The following ATRX variants were observed in gnomAD, a reference collection of about 807,000 sequenced individuals.
The protein encoded by ATRX is chromatin remodeler ATRX.
In ATRX, 12 loss-of-function variants were observed where a neutral mutation model predicts 172.6. The ratio of observed to expected loss-of-function variants is 0.07; its 90% CI spans 0.04 to 0.11. ATRX has a LOEUF of 0.11. ATRX is among the 10% of genes least tolerant of loss of function. ATRX has a pLI of 1.00. For synonymous variants in ATRX, 674 were observed against 594.7 expected (o/e 1.13, Z -1.94); for missense variants, 1,368 against 1,767.4 (o/e 0.77, Z 4.05).
At chrX:77,709,259 T>C (rs1034249194) in intron 2 of ATRX, among the ~76,000 whole-genome samples, 2 of 111,921 alleles carry the variant, frequency 1.8e-5, no homozygotes, top group East Asian at 5.5e-4. Context: ...TATTACTCAT[T>C]AAGTAAATGC....
At chrX:77,707,947 T>G (rs1172249437) in intron 2 of ATRX, among the ~76,000 whole-genome samples, 1 of 112,096 alleles carries the variant, frequency 8.9e-6, no homozygotes, top group African/African-American at 3.2e-5. Context: ...GGCATGGACG[T>G]GAAGAACTCA....
intron 30 of ATRX, among the ~76,000 whole-genome samples, chrX:77,556,009 C>T (rs1158827824): frequency 9.3e-6 from 1 of 107,025 alleles, no homozygotes; most frequent in African/African-American, 3.4e-5. Context: ...CCCATCTCTA[C>T]TAAAAATAGA....
At chrX:77,511,404 G>A (rs1220408840) in intron 34 of ATRX, among the ~76,000 whole-genome samples, 3 of 111,174 alleles carry the variant, frequency 2.7e-5, no homozygotes, top group Non-Finnish European at 5.7e-5. Flanking sequence ...GCCCAGACAC[G>A]AATCAATGTC....
chrX:77,601,472 T>A (rs1403826000), intron 22 of ATRX, among the ~76,000 whole-genome samples: 1 of 106,383 alleles, frequency 9.4e-6, no homozygotes, highest in East Asian at 2.9e-4. Context: ...AGCAAAACCT[T>A]GTCTCTTAAA....
At chrX:77,718,648 A>C (rs1557166973) in intron 1 of ATRX, among the ~76,000 whole-genome samples, 3 of 111,778 alleles carry the variant, frequency 2.7e-5, no homozygotes, top group African/African-American at 9.7e-5. Flanking sequence ...TGCTGGGATT[A>C]CAGGCGTGAG....
intron 27 of ATRX, among the ~76,000 whole-genome samples, chrX:77,579,608 T>C (rs1225128721): frequency 8.9e-6 from 1 of 112,115 alleles, no homozygotes; most frequent in African/African-American, 3.2e-5. Flanking sequence ...TGACCCCTAA[T>C]GTGGACACAG....
At position 77,649,652 on chromosome X, in the gene ATRX, C is replaced by T. The variant is rs192859784; in HGVS notation, c.4557+2462G>A. On this transcript the variant is annotated intron_variant, in intron 15 of 34. Coordinates refer to ENST00000373344, the MANE Select transcript of ATRX (RefSeq NM_000489.6). ...AATTGAATCACGGGGGCAGGTCTTT[C>T]CTGTGCTGTTCTTGTGATAGTGAAT... Among the ~76,000 whole-genome samples, 531 of 111,465 alleles carry T rather than the reference C, an allele frequency of 4.8e-3. 2 individuals are homozygous for T. The highest frequency in any genetic ancestry group is 6.5e-3 in the Non-Finnish European group (346 of 53,055).
intron 2 of ATRX, among the ~76,000 whole-genome samples, chrX:77,707,879 T>C (rs1280221242): frequency 8.9e-6 from 1 of 112,373 alleles, no homozygotes; most frequent in African/African-American, 3.2e-5. Context: ...CACAATGAGA[T>C]ACTACTTCAC....
chrX:77,526,047 G>A (rs1557043563), intron 30 of ATRX, among the ~76,000 whole-genome samples: 2 of 111,712 alleles, frequency 1.8e-5, no homozygotes, highest in Admixed American at 1.9e-4. Context: ...AAGTCCAACT[G>A]TGTCATCATA....
chrX:77,687,959 C>T (rs1050118859), intron 7 of ATRX, among the ~76,000 whole-genome samples: 1 of 111,469 alleles, frequency 9.0e-6, no homozygotes, highest in Non-Finnish European at 1.9e-5. Flanking sequence ...GTTACTGAGA[C>T]GAAATTTCCC....
At chrX:77,663,344 C>T (rs2148486373) in intron 12 of ATRX, 38 bp downstream of exon 12, 1 of 1,198,209 alleles carries the variant, frequency 8.3e-7, no homozygotes, top group Non-Finnish European at 1.1e-6. Flanking sequence ...ACTGTCTGGT[C>T]CAATATGTTC....
intron 22 of ATRX, among the ~76,000 whole-genome samples, chrX:77,608,403 A>G (rs184707210): frequency 1.5e-3 from 161 of 108,632 alleles, no homozygotes; most frequent in African/African-American, 5.1e-3. Flanking sequence ...TAGGCCAATG[A>G]AACAGAATAA....
chrX:77,698,133 A>T (rs1181402800), intron 3 of ATRX, among the ~76,000 whole-genome samples: 1 of 111,643 alleles, frequency 9.0e-6, no homozygotes, highest in African/African-American at 3.3e-5. Flanking sequence ...ATTTTACTGG[A>T]TTCAGTTTTT....
chrX:77,505,344 G>A lies in ATRX; in HGVS notation c.*3007C>T, dbSNP rs929714086. ...AATATTCAGCTCATTTGGAGGCCAG[G>A]TAATAAGGAAGCTTCTGAATGGTAA... On this transcript the variant is annotated 3_prime_UTR_variant, in exon 35 of 35. Coordinates refer to ENST00000373344, the MANE Select transcript of ATRX (RefSeq NM_000489.6). 4 of 172,700 alleles carry A rather than the reference G, an allele frequency of 2.3e-5. No individual in the cohort carries two copies. Among genetic ancestry groups the A allele is most frequent in the Non-Finnish European group, 4.4e-5 (4 of 90,775 alleles). 14.2% of individuals were successfully genotyped at this position (172,700 alleles called of 1,213,427 possible).
chrX:77,512,306 A>G (rs1325354500), intron 34 of ATRX, among the ~76,000 whole-genome samples: 2 of 112,586 alleles, frequency 1.8e-5, no homozygotes, highest in African/African-American at 3.2e-5. Context: ...GAAGCTGAGG[A>G]ATTTCAATAT....
chrX:77,540,999 A>T (rs1307712677), intron 30 of ATRX, among the ~76,000 whole-genome samples: 1 of 111,834 alleles, frequency 8.9e-6, no homozygotes, highest in Non-Finnish European at 1.9e-5. Flanking sequence ...GACATAAAAA[A>T]ACCTTCAAAA....
intron 1 of ATRX, among the ~76,000 whole-genome samples, chrX:77,758,496 C>T: frequency 9.1e-6 from 1 of 109,643 alleles, no homozygotes; most frequent in Non-Finnish European, 1.9e-5. Flanking sequence ...TGGCTCACAC[C>T]TGTAATCCCA....
chrX:77,665,749 G>A lies in ATRX; in HGVS notation c.3810-971C>T, dbSNP rs978064139. ...CTTTCAATATAAATTCACAAATCAC[G>A]GTAACAAGAAAATAGCTTATAGAAA... On this transcript the variant is annotated intron_variant, in intron 10 of 34. Transcript: ENST00000373344. 2.4e-4 allele frequency among the ~76,000 whole-genome samples: 27 copies of A among 111,518 alleles called. 1 individual carries two copies. Among genetic ancestry groups the A allele is most frequent in the African/African-American group, 8.2e-4 (25 of 30,668 alleles).
intron 30 of ATRX, among the ~76,000 whole-genome samples, chrX:77,556,549 G>A (rs1261551863): frequency 5.4e-5 from 6 of 110,923 alleles, no homozygotes; most frequent in Non-Finnish European, 9.5e-5. Context: ...ATGTATATGA[G>A]ACAGGCCTTT....
Sources: gnomAD v4.1 joint callset for allele counts (sites outside exome capture counted in the v4.1 genomes callset) on GRCh38, gnomAD v4.1.1 for gene constraint, MANE v1.5 for transcripts, NCBI Gene and HGNC (gene_info 2026-07-23, HGNC 2026-07-21) for gene names.